Variants in CACNA2D1 observed in about 807,000 individuals in gnomAD.
CACNA2D1 encodes the protein calcium voltage-gated channel auxiliary subunit alpha2delta 1.
Under a neutral mutation model 171.5 loss-of-function variants are expected in CACNA2D1, and 53 were observed. The ratio of observed to expected loss-of-function variants is 0.31; its 90% CI spans 0.25 to 0.39. CACNA2D1 has a LOEUF of 0.39. Among genes scored for constraint, CACNA2D1 ranks in the 10% least tolerant of loss-of-function variants. The pLI, the probability that CACNA2D1 is intolerant of heterozygous loss-of-function variation, is 1.00. For synonymous variants in CACNA2D1, 442 were observed against 443.1 expected, an observed-to-expected ratio of 1.00 and a Z score of 0.03; for missense variants, 903 against 1,299.8, an observed-to-expected ratio of 0.69 and a Z score of 4.69.
chr7:82,270,271 A>G (rs963303959), intron 3 of CACNA2D1, among the ~76,000 whole-genome samples: 24 of 152,256 alleles, frequency 1.6e-4, no homozygotes, highest in African/African-American at 5.8e-4. Context: ...AGCTATTGTC[A>G]TGACTTCTAT....
chr7:82,071,890 T>C (rs1808358389), intron 7 of CACNA2D1, among the ~76,000 whole-genome samples: 1 of 152,178 alleles, frequency 6.6e-6, no homozygotes, highest in African/African-American at 2.4e-5. Flanking sequence ...TGTCTTCTTT[T>C]GGCCTCAAAA....
chr7:82,327,821 A>G (rs1410805408), intron 3 of CACNA2D1, among the ~76,000 whole-genome samples: 1 of 152,136 alleles, frequency 6.6e-6, no homozygotes, highest in East Asian at 1.9e-4. Context: ...TTCAACACTG[A>G]CTTGTTCCCT....
chr7:82,111,428 G>GTGTATATATATATATATATATATA (rs1413914216), intron 6 of CACNA2D1, among the ~76,000 whole-genome samples: 1 of 50,416 alleles, frequency 2.0e-5, no homozygotes, highest in African/African-American at 9.5e-5. Context: ...ATATATGTGT[G>GTGTATATATATATATATATATATA]TATATATATA....
chr7:82,168,531 T>A (rs183932421), intron 4 of CACNA2D1, among the ~76,000 whole-genome samples: 1 of 152,254 alleles, frequency 6.6e-6, no homozygotes, highest in African/African-American at 2.4e-5. Context: ...AATATGGTAA[T>A]AGCAAACTTG....
chr7:82,002,440 G>T (rs1386345636), intron 18 of CACNA2D1, among the ~76,000 whole-genome samples: 2 of 152,316 alleles, frequency 1.3e-5, no homozygotes, highest in Admixed American at 6.5e-5. Context: ...CAGCCTGAAT[G>T]AACCAAGAAA....
intron 21 of CACNA2D1, among the ~76,000 whole-genome samples, chr7:81,990,882 T>C (rs2130736982): frequency 6.6e-6 from 1 of 152,272 alleles, no homozygotes; most frequent in South Asian, 2.1e-4. Context: ...TAATGTAAAC[T>C]AAACAACAAC....
chr7:82,225,033 C>G (rs945154928), intron 3 of CACNA2D1, among the ~76,000 whole-genome samples: 5 of 152,042 alleles, frequency 3.3e-5, no homozygotes, highest in Non-Finnish European at 7.4e-5. Flanking sequence ...AAGGGTTTTC[C>G]CATTTACACA....
chr7:82,232,524 G>A (rs946642162), intron 3 of CACNA2D1, among the ~76,000 whole-genome samples: 2 of 151,992 alleles, frequency 1.3e-5, no homozygotes, highest in African/African-American at 2.4e-5. Context: ...TTAATGCTGC[G>A]AAGTAAATAA....
intron 6 of CACNA2D1, among the ~76,000 whole-genome samples, chr7:82,093,220 G>A (rs936832896): frequency 1.3e-5 from 2 of 152,014 alleles, no homozygotes; most frequent in Non-Finnish European, 1.5e-5. Flanking sequence ...TTCCTCACTC[G>A]TACAGTGGGG....
chr7:82,121,994 T>C (rs554862796), intron 5 of CACNA2D1, among the ~76,000 whole-genome samples: 1 of 152,200 alleles, frequency 6.6e-6, no homozygotes, highest in Non-Finnish European at 1.5e-5. Context: ...GAAAGAAAGG[T>C]GAAGAAACAA....
intron 3 of CACNA2D1, among the ~76,000 whole-genome samples, chr7:82,269,259 C>A (rs1808314348): frequency 6.6e-6 from 1 of 152,122 alleles, no homozygotes; most frequent in Non-Finnish European, 1.5e-5. Flanking sequence ...CTTACAGCTG[C>A]CAATGTAAAT....
At chr7:81,995,058 T>C (rs1797901959) in intron 19 of CACNA2D1, 119 bp from the exon 20 acceptor site, 3 of 611,564 alleles carry the variant, frequency 4.9e-6, no homozygotes. Context: ...AAAATAAAAA[T>C]AGGGGGTTAG....
At chr7:82,244,973 T>C (rs536350612) in intron 3 of CACNA2D1, among the ~76,000 whole-genome samples, 3 of 152,324 alleles carry the variant, frequency 2.0e-5, no homozygotes, top group East Asian at 1.9e-4. Context: ...CATATTCCAC[T>C]GCTGCAGACA....
intron 10 of CACNA2D1, 88 bp from the exon 11 acceptor site, chr7:82,038,323 G>T: frequency 8.9e-7 from 1 of 1,123,178 alleles, no homozygotes; most frequent in South Asian, 1.4e-5. Flanking sequence ...ACTCCTAAAC[G>T]GTATTGCATT....
chr7:82,280,614 C>T (rs1047872327), intron 3 of CACNA2D1, among the ~76,000 whole-genome samples: 11 of 152,126 alleles, frequency 7.2e-5, no homozygotes, highest in African/African-American at 2.4e-5. Flanking sequence ...AGAATTTTAG[C>T]GTTAGAAGCT....
In CACNA2D1 at chr7:82,084,643, G is replaced by A. The variant is rs75921548; in HGVS notation, c.658+126C>T. On this transcript the variant is annotated intron_variant, in intron 7 of 38. Transcript: ENST00000356860. ...AATCCAAAGCCATGTAAAGAGGAAT[G>A]TTCTTTCCTTATAAAAGTAGTGTGA... 5,992 of 1,103,272 alleles carry A rather than the reference G, an allele frequency of 5.4e-3. 117 individuals carry two copies. The African/African-American group carries it at 0.055, about 10-fold the overall frequency. 68.3% of individuals were successfully genotyped at this position (1,103,272 alleles called of 1,614,324 possible).
chr7:82,001,536 G>C (rs1295545122), intron 18 of CACNA2D1: 3 of 298,112 alleles, frequency 1.0e-5, no homozygotes, highest in African/African-American at 2.2e-5. Context: ...CTCATTTCAT[G>C]CTCTGGAAGC....
chr7:82,033,836 T>C (rs1802999235), intron 11 of CACNA2D1, among the ~76,000 whole-genome samples: 1 of 152,098 alleles, frequency 6.6e-6, no homozygotes, highest in African/African-American at 2.4e-5. Flanking sequence ...TTTTCTACTG[T>C]TGTGAAATGT....
chr7:82,099,142 G>T, intron 6 of CACNA2D1, among the ~76,000 whole-genome samples: 1 of 152,102 alleles, frequency 6.6e-6, no homozygotes, highest in Non-Finnish European at 1.5e-5. Context: ...TCAAACTGAC[G>T]GAAGCCAAGA....
Sources: gnomAD v4.1 joint callset for allele counts (sites outside exome capture counted in the v4.1 genomes callset) on GRCh38, gnomAD v4.1.1 for gene constraint, MANE v1.5 for transcripts, NCBI Gene and HGNC (gene_info 2026-07-23, HGNC 2026-07-21) for gene names.